Variants in ITIH5 observed in about 807,000 individuals in gnomAD.
ITIH5 encodes the protein inter-alpha-trypsin inhibitor heavy chain 5.
ITIH5 carries 65 observed loss-of-function variants against 77.5 expected under a neutral mutation model. The observed-to-expected ratio is 0.84, with a 90% CI of 0.69 to 1.03. The LOEUF is 1.03. Among genes scored for constraint, ITIH5 ranks in the 50% least tolerant of loss-of-function variants. The pLI is 0.00. For missense variants in ITIH5, 1,208 were observed against 1,213.1 expected (o/e 1.00, Z 0.06); for synonymous variants, 525 against 494.3 (o/e 1.06, Z -0.82).
chr10:7,567,456 T>C (rs1369878911), intron 12 of ITIH5, among the ~76,000 whole-genome samples: 1 of 151,548 alleles, frequency 6.6e-6, no homozygotes, highest in East Asian at 1.9e-4. Context: ...GTCATTTACA[T>C]TAGGTATATC....
At chr10:7,644,874 C>CAT (rs1250105026) in intron 2 of ITIH5, among the ~76,000 whole-genome samples, 3 of 80,642 alleles carry the variant, frequency 3.7e-5, no homozygotes, top group East Asian at 1.0e-3. Flanking sequence ...ATATATATCA[C>CAT]ATATATATAT....
Position 7,595,279 on chromosome 10 carries a change from G to A in ITIH5, c.940-9210C>T, listed in dbSNP as rs561256442. 2.0e-5 allele frequency among the ~76,000 whole-genome samples: 3 copies of A among 152,250 alleles called. No individual in the cohort carries two copies. The South Asian group carries it at 6.2e-4, about 32-fold the overall frequency. On this transcript the variant is annotated intron_variant, in intron 7 of 13. Transcript: ENST00000397146. ...GAAAAAATAAAAAATACCAGATTATGTTTGGACTGAAGGGAGATTTTGAAA... is the reference window on the plus strand; with the variant it reads ...GAAAAAATAAAAAATACCAGATTATATTTGGACTGAAGGGAGATTTTGAAA...
chr10:7,567,494 T>C (rs7899780), intron 12 of ITIH5, among the ~76,000 whole-genome samples: 134,471 of 146,270 alleles, frequency 0.92, 61,840 homozygotes, highest in East Asian at 0.94. Context: ...CCCCCTACCC[T>C]GACCCCACGA....
At chr10:7,572,375 GTTC>G (rs745835775) in intron 11 of ITIH5, 13 of 1,366,968 alleles carry the variant, frequency 9.5e-6, no homozygotes, top group Middle Eastern at 2.1e-4. Flanking sequence ...GAAAAAATCT[GTTC>G]TTCCCTTCTG....
In ITIH5 at chr10:7,562,749, T is replaced by C. The variant is rs577490775; in HGVS notation, c.*334A>G. The C allele has an allele frequency of 1.0e-4, 26 of 257,930 alleles. No individual in the cohort carries two copies. The highest frequency in any genetic ancestry group is 1.7e-4 in the Non-Finnish European group (23 of 133,208). 16.0% of individuals were successfully genotyped at this position (257,930 alleles called of 1,614,324 possible). Reference sequence around the variant, plus strand: ...TCCTTCACCAGAAAGGCTTACTTTATGATATGCTAACAGAACAGAAAAGCA... The same window carrying C: ...TCCTTCACCAGAAAGGCTTACTTTACGATATGCTAACAGAACAGAAAAGCA... On this transcript the variant is annotated 3_prime_UTR_variant, in exon 14 of 14. Transcript: ENST00000397146.
chr10:7,608,687 C>T (rs989965071), intron 7 of ITIH5, among the ~76,000 whole-genome samples: 10 of 152,194 alleles, frequency 6.6e-5, no homozygotes, highest in African/African-American at 2.2e-4. Context: ...CCAGCTTGCC[C>T]GAGCCACTTT....
In ITIH5 at chr10:7,644,274, C is replaced by T. The variant is rs192790818; in HGVS notation, c.136-2184G>A. On this transcript the variant is annotated intron_variant, in intron 2 of 13. Transcript: ENST00000397146. Reference sequence around the variant, plus strand: ...ATATATATATATGTACATATATGTGCGTGTGTATATATATCATATATATCA... The same window carrying T: ...ATATATATATATGTACATATATGTGTGTGTGTATATATATCATATATATCA... Among the ~76,000 whole-genome samples the T allele has an allele frequency of 6.8e-3, 999 of 147,624 alleles. 16 individuals are homozygous for T. The highest frequency in any genetic ancestry group is 0.024 in the African/African-American group (936 of 39,400).
At chr10:7,574,546 C>A (rs1832367282) in intron 10 of ITIH5, among the ~76,000 whole-genome samples, 1 of 152,130 alleles carries the variant, frequency 6.6e-6, no homozygotes, top group Non-Finnish European at 1.5e-5. Context: ...GTAATCCCAG[C>A]ATTTTGGGAG....
chr10:7,570,625 T>C (rs538510205), intron 11 of ITIH5, among the ~76,000 whole-genome samples: 1 of 152,340 alleles, frequency 6.6e-6, no homozygotes, highest in Non-Finnish European at 1.5e-5. Flanking sequence ...GCAATTTGTT[T>C]ATTTTATTTA....
chr10:7,630,563 G>A (rs533255286), intron 5 of ITIH5, among the ~76,000 whole-genome samples: 3 of 152,244 alleles, frequency 2.0e-5, no homozygotes, highest in South Asian at 4.1e-4. Flanking sequence ...TTTTCCTAAT[G>A]ACTAATTGTG....
intron 12 of ITIH5, 101 bp from the exon 13 acceptor site, chr10:7,566,508 G>C: frequency 8.3e-7 from 1 of 1,208,974 alleles, no homozygotes; most frequent in Non-Finnish European, 1.1e-6. Context: ...CAGGTGGATT[G>C]CCTGAGTCCA....
At chr10:7,608,287 T>C (rs1214453740) in intron 7 of ITIH5, among the ~76,000 whole-genome samples, 1 of 152,192 alleles carries the variant, frequency 6.6e-6, no homozygotes, top group Non-Finnish European at 1.5e-5. Flanking sequence ...TTAATTTTTG[T>C]TTGTTTGTTT....
At chr10:7,569,975 G>C (rs1226196508) in intron 11 of ITIH5, 191 bp from the exon 12 acceptor site, 2 of 500,048 alleles carry the variant, frequency 4.0e-6, no homozygotes, top group Non-Finnish European at 3.5e-6. Context: ...ATTACCCAGT[G>C]AGTTTGCAGT....
At position 7,560,448 on chromosome 10, in the gene ITIH5, T is replaced by G. The variant is rs977942814; in HGVS notation, c.*2635A>C. On this transcript the variant is annotated 3_prime_UTR_variant, in exon 14 of 14. Transcript: ENST00000397146. ...CCACTCCGATTCCCAGTCCCCGGCC[T>G]CCTCAGCACAGCTGTGGCACCGAGG... 1 of 152,256 alleles carries G rather than the reference T, an allele frequency of 6.6e-6. No homozygotes were observed. The highest frequency in any genetic ancestry group is 2.4e-5 in the African/African-American group (1 of 41,462). 9.4% of individuals were successfully genotyped at this position (152,256 alleles called of 1,614,324 possible). A position where few individuals can be genotyped will look rare whatever the true frequency, so the allele number is the denominator to read the frequency against.
At chr10:7,625,606 A>G (rs936514790) in intron 5 of ITIH5, among the ~76,000 whole-genome samples, 1 of 152,018 alleles carries the variant, frequency 6.6e-6, no homozygotes, top group African/African-American at 2.4e-5. Context: ...CTCTATTAAA[A>G]ACACAAAAAT....
At chr10:7,637,601 T>C (rs1296753483) in intron 4 of ITIH5, 123 bp from the exon 5 acceptor site, 4 of 906,968 alleles carry the variant, frequency 4.4e-6, no homozygotes, top group Non-Finnish European at 6.8e-6. Flanking sequence ...CCCATGGGTG[T>C]GAGTGTGGGT....
chr10:7,612,906 T>C (rs945242422), intron 7 of ITIH5, among the ~76,000 whole-genome samples: 1 of 152,238 alleles, frequency 6.6e-6, no homozygotes, highest in South Asian at 2.1e-4. Flanking sequence ...CATGCAGCCA[T>C]CAATGTCACA....
At chr10:7,573,692 G>GAAAA (rs1832351438) in intron 10 of ITIH5, among the ~76,000 whole-genome samples, 3 of 145,472 alleles carry the variant, frequency 2.1e-5, no homozygotes, top group Non-Finnish European at 4.6e-5. Context: ...AAAAAAAAAG[G>GAAAA]AAAAAAAAGA....
intron 11 of ITIH5, chr10:7,572,221 C>A: frequency 7.9e-7 from 1 of 1,269,720 alleles, no homozygotes. Context: ...CTTGCACGTA[C>A]AGCACAGCAG....
Sources: allele counts gnomAD v4.1 joint callset (sites outside exome capture counted in the v4.1 genomes callset), GRCh38; gene constraint gnomAD v4.1.1; transcripts MANE v1.5; gene names NCBI Gene and HGNC (gene_info 2026-07-23, HGNC 2026-07-21).